Variants in EXTL3 observed in about 807,000 individuals in gnomAD.
The protein encoded by EXTL3 is exostosin-like 3.
EXTL3 carries 27 observed loss-of-function variants against 69.3 expected under a neutral mutation model. That is an observed-to-expected ratio of 0.39 (90% CI 0.29 to 0.54). The LOEUF (loss-of-function observed/expected upper bound fraction) is 0.54, where lower values mean the gene tolerates loss of function less well. Ranked by LOEUF, EXTL3 falls within the 20% of genes least tolerant of loss-of-function variation. The probability of loss-of-function intolerance (pLI) is 0.69; values close to 1 mark genes in which losing one functional copy is unlikely to be tolerated. For missense variants in EXTL3, 1,003 were observed against 1,231.8 expected (o/e 0.81, Z 2.78); for synonymous variants, 511 against 499.4 (o/e 1.02, Z -0.31).
downstream of EXTL3, among the ~76,000 whole-genome samples, chr8:28,755,969 A>T (rs1230951804): frequency 6.6e-6 from 1 of 152,190 alleles, no homozygotes; most frequent in African/African-American, 2.4e-5. Flanking sequence ...CCTGCCATTC[A>T]TCCTTTCATG....
At chr8:28,656,986 G>A (rs1807022229) in intron 1 of EXTL3, among the ~76,000 whole-genome samples, 2 of 151,748 alleles carry the variant, frequency 1.3e-5, no homozygotes, top group South Asian at 2.1e-4. Context: ...AGGCTGGAGT[G>A]CAGTGGCATG....
chr8:28,629,005 A>G (rs1806534390), intron 1 of EXTL3, among the ~76,000 whole-genome samples: 1 of 152,186 alleles, frequency 6.6e-6, no homozygotes, highest in Non-Finnish European at 1.5e-5. Context: ...CAGAATGAGA[A>G]GCTGGAAGGT....
At chr8:28,660,838 C>CTTTT (rs58151386) in intron 1 of EXTL3, among the ~76,000 whole-genome samples, 3 of 46,970 alleles carry the variant, frequency 6.4e-5, no homozygotes, top group African/African-American at 1.0e-4. Context: ...CGATTTTTGG[C>CTTTT]TTTTTTTTTT....
chr8:28,655,130 T>G (rs1806985143), intron 1 of EXTL3, among the ~76,000 whole-genome samples: 1 of 152,166 alleles, frequency 6.6e-6, no homozygotes. Flanking sequence ...TTAAAAATCT[T>G]CCACCTGATT....
chr8:28,611,997 G>A lies in EXTL3; in HGVS notation n.314+4239G>A, dbSNP rs182310562. 3.9e-5 allele frequency among the ~76,000 whole-genome samples: 6 copies of A among 152,272 alleles called. No individual in the cohort carries two copies. In the East Asian group the frequency reaches 5.8e-4, roughly 15 times the overall value. ...GCTCTTTCTTCACTGACGTGTGCCCGCCTGGATCCAGAACGGTATTCTGAT... is the reference window on the plus strand; with the variant it reads ...GCTCTTTCTTCACTGACGTGTGCCCACCTGGATCCAGAACGGTATTCTGAT... On this transcript the variant is annotated intron_variant and non_coding_transcript_variant, in intron 2 of 4. Transcript: ENST00000522725.
intron 1 of EXTL3, among the ~76,000 whole-genome samples, chr8:28,708,873 TG>T (rs1401444662): frequency 6.6e-6 from 1 of 152,246 alleles, no homozygotes; most frequent in African/African-American, 2.4e-5. Context: ...AAACATCTTT[TG>T]TTCTGAGTCT....
chr8:28,644,706 G>A (rs1806800990), intron 1 of EXTL3, among the ~76,000 whole-genome samples: 1 of 152,148 alleles, frequency 6.6e-6, no homozygotes, highest in Non-Finnish European at 1.5e-5. Context: ...AAATTAAAAT[G>A]TTCAATGTAT....
intron 1 of EXTL3, among the ~76,000 whole-genome samples, chr8:28,637,801 T>C (rs1178870641): frequency 3.3e-5 from 5 of 152,152 alleles, no homozygotes; most frequent in African/African-American, 9.7e-5. Context: ...AACCCTCCTC[T>C]TCACAGCCCA....
intron 2 of EXTL3, among the ~76,000 whole-genome samples, chr8:28,714,793 C>T (rs1801104717): frequency 6.6e-6 from 1 of 152,214 alleles, no homozygotes; most frequent in African/African-American, 2.4e-5. Flanking sequence ...AGCGTCCTCC[C>T]ATCCACTGCA....
intron 1 of EXTL3, among the ~76,000 whole-genome samples, chr8:28,667,555 T>C (rs1001083106): frequency 1.7e-4 from 26 of 152,182 alleles, no homozygotes; most frequent in Non-Finnish European, 3.4e-4. Flanking sequence ...TGGTGAGGTT[T>C]CCTTAAAGCT....
intron 6 of EXTL3, among the ~76,000 whole-genome samples, chr8:28,749,585 T>C (rs911980295): frequency 2.0e-5 from 3 of 152,232 alleles, no homozygotes; most frequent in African/African-American, 7.2e-5. Flanking sequence ...CATGGCTATC[T>C]TGCAGGATTT....
At chr8:28,675,819 C>T (rs879376869) in intron 1 of EXTL3, among the ~76,000 whole-genome samples, 9 of 151,934 alleles carry the variant, frequency 5.9e-5, no homozygotes, top group African/African-American at 9.7e-5. Flanking sequence ...GTCAGGAGTT[C>T]GAGACCAGCC....
intron 1 of EXTL3, among the ~76,000 whole-genome samples, chr8:28,637,593 T>C (rs999969545): frequency 4.6e-5 from 7 of 151,890 alleles, no homozygotes; most frequent in Non-Finnish European, 1.0e-4. Context: ...AGCCCAGGAG[T>C]TTGAGACCAG....
intron 1 of EXTL3, among the ~76,000 whole-genome samples, chr8:28,702,010 C>T (rs1800814169): frequency 6.6e-6 from 1 of 152,094 alleles, no homozygotes; most frequent in African/African-American, 2.4e-5. Flanking sequence ...GGACGCTCGG[C>T]TGCAGCTGTT....
chr8:28,713,886 T>C (rs571957913), intron 2 of EXTL3, among the ~76,000 whole-genome samples: 1 of 150,962 alleles, frequency 6.6e-6, no homozygotes, highest in African/African-American at 2.4e-5. Flanking sequence ...GATTCTAATA[T>C]CCTCTTTTCT....
At chr8:28,649,354 G>A (rs1459582053) in intron 1 of EXTL3, among the ~76,000 whole-genome samples, 1 of 152,178 alleles carries the variant, frequency 6.6e-6, no homozygotes, top group Non-Finnish European at 1.5e-5. Flanking sequence ...TGGTGTGTAT[G>A]ACAGCTTTTG....
intron 1 of EXTL3, among the ~76,000 whole-genome samples, chr8:28,633,255 T>C (rs746481019): frequency 2.0e-5 from 3 of 152,060 alleles, no homozygotes; most frequent in Non-Finnish European, 2.9e-5. Context: ...GGAGGATCAC[T>C]GGAGGCTGCG....
At chr8:28,686,284 A>G (rs933420309) in intron 1 of EXTL3, among the ~76,000 whole-genome samples, 2 of 151,926 alleles carry the variant, frequency 1.3e-5, no homozygotes, top group African/African-American at 4.8e-5. Flanking sequence ...ACTTGAGCCC[A>G]GGAGTTCAAG....
intron 2 of EXTL3, among the ~76,000 whole-genome samples, chr8:28,613,461 C>T (rs751048412): frequency 1.3e-5 from 2 of 152,190 alleles, no homozygotes; most frequent in Admixed American, 1.3e-4. Flanking sequence ...GGATTACAGG[C>T]GTGAGCCACT....
Sources: gnomAD v4.1 joint callset for allele counts (sites outside exome capture counted in the v4.1 genomes callset) on GRCh38, gnomAD v4.1.1 for gene constraint, MANE v1.5 for transcripts, NCBI Gene and HGNC (gene_info 2026-07-23, HGNC 2026-07-21) for gene names.